Variants in PRELID2 observed in about 807,000 individuals in gnomAD.
The protein encoded by PRELID2 is PRELI domain-containing protein 2.
Under a neutral mutation model 28.4 loss-of-function variants are expected in PRELID2, and 25 were observed. The ratio of observed to expected loss-of-function variants is 0.88; its 90% CI spans 0.64 to 1.23. The LOEUF (loss-of-function observed/expected upper bound fraction) is 1.23, where lower values mean the gene tolerates loss of function less well. PRELID2 is among the 50% of genes most tolerant of loss of function. The pLI, the probability that PRELID2 is intolerant of heterozygous loss-of-function variation, is 0.00. For missense variants in PRELID2, 201 were observed against 214.4 expected (o/e 0.94, Z 0.39); for synonymous variants, 76 against 71.6 (o/e 1.06, Z -0.31).
In PRELID2 at chr5:145,626,024, T is replaced by A. The variant is rs530419788; in HGVS notation, n.70+138907A>T. On this transcript the variant is annotated intron_variant and non_coding_transcript_variant, in intron 1 of 2. Coordinates refer to the PRELID2 transcript ENST00000510259. ...CTCTATCTCCCATCATATACAAAAA[T>A]TAACTTCAGATGGATTAAAGACTTA... Among the ~76,000 whole-genome samples the A allele has an allele frequency of 7.9e-5, 12 of 152,226 alleles. 1 individual carries two copies. The highest frequency in any genetic ancestry group is 2.9e-4 in the African/African-American group (12 of 41,552).
intron 5 of PRELID2, among the ~76,000 whole-genome samples, chr5:145,765,944 T>A (rs1757724909): frequency 6.6e-6 from 1 of 152,194 alleles, no homozygotes; most frequent in African/African-American, 2.4e-5. Context: ...ACAGGCACCC[T>A]CTTCCTTTTC....
chr5:145,751,786 A>G (rs1350539883), downstream of PRELID2, among the ~76,000 whole-genome samples: 1 of 152,174 alleles, frequency 6.6e-6, no homozygotes, highest in Admixed American at 6.5e-5. Flanking sequence ...GTTTAAAACC[A>G]GCCTGGCCAA....
At chr5:145,298,913 T>G in the PRELID2 span, among the ~76,000 whole-genome samples, 1 of 152,166 alleles carries the variant, frequency 6.6e-6, no homozygotes, top group Non-Finnish European at 1.5e-5. Flanking sequence ...GACAGTATTT[T>G]AAATATTTTA....
At chr5:145,689,117 G>A (rs556726952) in intron 1 of PRELID2, among the ~76,000 whole-genome samples, 45 of 152,172 alleles carry the variant, frequency 3.0e-4, no homozygotes, top group African/African-American at 9.6e-4. Flanking sequence ...TATAAATTTG[G>A]AAAAGGGCCG....
At chr5:145,290,450 G>A in the PRELID2 span, among the ~76,000 whole-genome samples, 1 of 152,044 alleles carries the variant, frequency 6.6e-6, no homozygotes, top group South Asian at 2.1e-4. Flanking sequence ...GTCCTTTGTA[G>A]GGACGTGGAT....
chr5:145,600,434 A>AAATATATATATATATATAT (rs1315631607), intron 1 of PRELID2, among the ~76,000 whole-genome samples: 2 of 120,116 alleles, frequency 1.7e-5, no homozygotes, highest in African/African-American at 8.2e-5. Flanking sequence ...AAAAAAAAAA[A>AAATATATATATATATATAT]ATATATATAT....
chr5:145,442,172 T>C, the PRELID2 span, among the ~76,000 whole-genome samples: 12 of 152,130 alleles, frequency 7.9e-5, no homozygotes, highest in Non-Finnish European at 1.6e-4. Flanking sequence ...TTGTCCATTT[T>C]ATACAATCCT....
intron 1 of PRELID2, among the ~76,000 whole-genome samples, chr5:145,674,621 A>G (rs1754777496): frequency 6.6e-6 from 1 of 152,220 alleles, no homozygotes; most frequent in Non-Finnish European, 1.5e-5. Flanking sequence ...TCCATATACC[A>G]ATATAAATTC....
chr5:145,506,717 T>C (rs528476351), intron 1 of PRELID2, among the ~76,000 whole-genome samples: 1 of 152,272 alleles, frequency 6.6e-6, no homozygotes, highest in East Asian at 1.9e-4. Context: ...ATGGGGTAGA[T>C]ATATAATCCT....
chr5:145,790,497 G>C (rs1752297698), intron 5 of PRELID2, among the ~76,000 whole-genome samples: 1 of 151,976 alleles, frequency 6.6e-6, no homozygotes, highest in East Asian at 1.9e-4. Flanking sequence ...AGAATAAGGA[G>C]ATGTTGGCCA....
chr5:145,585,890 C>A (rs1029586439), intron 1 of PRELID2, among the ~76,000 whole-genome samples: 8 of 151,962 alleles, frequency 5.3e-5, no homozygotes, highest in East Asian at 1.9e-4. Context: ...ATGTGTGGAC[C>A]CCTCCTCTTT....
the PRELID2 span, among the ~76,000 whole-genome samples, chr5:145,390,392 T>TCATGGTGGACAA: frequency 6.6e-6 from 1 of 152,166 alleles, no homozygotes; most frequent in South Asian, 2.1e-4. Flanking sequence ...AAACTTAAAA[T>TCATGGTGGACAA]CATGGTGGAC....
intron 1 of PRELID2, among the ~76,000 whole-genome samples, chr5:145,598,847 G>A (rs568381289): frequency 5.3e-4 from 81 of 152,164 alleles, no homozygotes; most frequent in African/African-American, 1.8e-3. Context: ...AGAAAATAAC[G>A]GATCTTCTTC....
the PRELID2 span, among the ~76,000 whole-genome samples, chr5:145,259,798 G>A: frequency 6.6e-6 from 1 of 152,130 alleles, no homozygotes; most frequent in Non-Finnish European, 1.5e-5. Context: ...AGGATTATGG[G>A]GAAGGCATGA....
At chr5:145,526,015 C>A (rs1261319122) in intron 1 of PRELID2, among the ~76,000 whole-genome samples, 1 of 152,186 alleles carries the variant, frequency 6.6e-6, no homozygotes, top group Non-Finnish European at 1.5e-5. Context: ...AAAGCACAGG[C>A]CTTACGAGTA....
chr5:145,425,121 A>G, the PRELID2 span, among the ~76,000 whole-genome samples: 1 of 152,238 alleles, frequency 6.6e-6, no homozygotes, highest in Non-Finnish European at 1.5e-5. Flanking sequence ...CACTTCTCAA[A>G]AGAAGACATA....
At chr5:145,583,284 AC>A (rs1753123954) in intron 1 of PRELID2, among the ~76,000 whole-genome samples, 1 of 152,162 alleles carries the variant, frequency 6.6e-6, no homozygotes, top group Admixed American at 6.6e-5. Flanking sequence ...TATCAAAGGA[AC>A]ACACCTCAAA....
chr5:145,651,998 A>C (rs901484324), intron 1 of PRELID2, among the ~76,000 whole-genome samples: 2 of 152,334 alleles, frequency 1.3e-5, no homozygotes, highest in Non-Finnish European at 2.9e-5. Context: ...AGAAGCTAAA[A>C]ACCATGAAAA....
chr5:145,447,483 T>TA, the PRELID2 span, among the ~76,000 whole-genome samples: 1 of 130,912 alleles, frequency 7.6e-6, no homozygotes, highest in South Asian at 2.2e-4. Context: ...TTTTTTTTTT[T>TA]ATTATACTTT....
Sources: gnomAD v4.1 joint callset for allele counts (sites outside exome capture counted in the v4.1 genomes callset) on GRCh38, gnomAD v4.1.1 for gene constraint, MANE v1.5 for transcripts, NCBI Gene and HGNC (gene_info 2026-07-23, HGNC 2026-07-21) for gene names.